FBXL17: variants seen among roughly 807,000 people sequenced by gnomAD.
FBXL17 encodes F-box and leucine rich repeat protein 17.
In FBXL17, 22 loss-of-function variants were observed where a neutral mutation model predicts 66.2. That is an observed-to-expected ratio of 0.33 (90% CI 0.24 to 0.47). FBXL17 has a LOEUF of 0.47. FBXL17 is among the 20% of genes least tolerant of loss of function. FBXL17 has a pLI of 1.00. For synonymous variants in FBXL17, 474 were observed against 400.5 expected, an observed-to-expected ratio of 1.18 and a Z score of -2.19; for missense variants, 878 against 948.2, an observed-to-expected ratio of 0.93 and a Z score of 0.97.
chr5:107,979,262 A>C (rs1752711588), intron 7 of FBXL17, among the ~76,000 whole-genome samples: 1 of 152,212 alleles, frequency 6.6e-6, no homozygotes, highest in Non-Finnish European at 1.5e-5. Flanking sequence ...TATTAAATCA[A>C]AGCAAGTTGG....
chr5:108,285,294 A>C (rs578127601), intron 4 of FBXL17, among the ~76,000 whole-genome samples: 11 of 151,994 alleles, frequency 7.2e-5, no homozygotes, highest in African/African-American at 2.4e-4. Context: ...GCTTCTGTTT[A>C]ATGTTTATAT....
intron 6 of FBXL17, among the ~76,000 whole-genome samples, chr5:108,110,330 A>G (rs1310429587): frequency 6.6e-6 from 1 of 152,250 alleles, no homozygotes; most frequent in Non-Finnish European, 1.5e-5. Flanking sequence ...CAACTGAAAT[A>G]GACTAAAGTA....
In FBXL17 at chr5:108,381,754, C is replaced by T. The variant is rs913223477; in HGVS notation, c.-63G>A. 24 of 1,375,480 alleles carry T rather than the reference C, an allele frequency of 1.7e-5. No homozygotes were observed. The highest frequency in any genetic ancestry group is 7.6e-5 in the African/African-American group (5 of 65,462). The allele number at this position is 1,375,480 out of a possible 1,614,324, so 85.2% of individuals were successfully genotyped here. A position where few individuals can be genotyped will look rare whatever the true frequency, so the allele number is the denominator to read the frequency against. On this transcript the variant is annotated 5_prime_UTR_variant, in exon 1 of 9. Coordinates refer to ENST00000542267, the MANE Select transcript of FBXL17 (RefSeq NM_001163315.3). ...AGGGAGACCCAGAGAGGCGGGCTCC[C>T]GGCAGCGGGGCAGGCCGCTCGCTGG...
intron 7 of FBXL17, among the ~76,000 whole-genome samples, chr5:107,941,752 C>T (rs186210192): frequency 6.3e-4 from 96 of 152,250 alleles, no homozygotes; most frequent in Middle Eastern, 6.8e-3. Context: ...ATAAGAAGGA[C>T]CTTTCAGCAT....
At chr5:108,375,999 G>C (rs576054444) in intron 1 of FBXL17, among the ~76,000 whole-genome samples, 10 of 152,186 alleles carry the variant, frequency 6.6e-5, no homozygotes, top group Admixed American at 2.6e-4. Context: ...CATATTAATA[G>C]AATAAAGGTA....
chr5:107,989,699 T>C (rs1753161098), intron 7 of FBXL17, among the ~76,000 whole-genome samples: 1 of 152,172 alleles, frequency 6.6e-6, no homozygotes, highest in Admixed American at 6.5e-5. Context: ...CGTTTAGTTT[T>C]TTTTGGGAAC....
intron 3 of FBXL17, among the ~76,000 whole-genome samples, chr5:108,352,435 AC>A (rs1747711890): frequency 6.6e-6 from 1 of 152,234 alleles, no homozygotes; most frequent in Admixed American, 6.5e-5. Flanking sequence ...CAAAATCATC[AC>A]CATTAGGATG....
intron 6 of FBXL17, among the ~76,000 whole-genome samples, chr5:108,096,251 C>G (rs1026300600): frequency 6.6e-6 from 1 of 152,174 alleles, no homozygotes; most frequent in Non-Finnish European, 1.5e-5. Flanking sequence ...GATTTTTCAG[C>G]TCAGTAAGAA....
intron 6 of FBXL17, among the ~76,000 whole-genome samples, chr5:108,184,403 T>G (rs567687718): frequency 6.6e-6 from 1 of 151,814 alleles, no homozygotes; most frequent in East Asian, 1.9e-4. Flanking sequence ...GCCTCCCGGG[T>G]TCACGCCATT....
chr5:108,259,622 A>AG (rs1756725922), intron 4 of FBXL17, among the ~76,000 whole-genome samples: 1 of 152,200 alleles, frequency 6.6e-6, no homozygotes, highest in African/African-American at 2.4e-5. Flanking sequence ...CTTGAAAAAA[A>AG]TTCGAGAACT....
rs1339130687 is a variant in FBXL17, at chr5:108,234,079, T to G, written c.1507-9851A>C. ...TGTGGCAGAAATGGCCATATATAAC[T>G]AAGAAACTCTTGGCTAGAAGAAGGA... On this transcript the variant is annotated intron_variant, in intron 4 of 8. Transcript: ENST00000542267. Among the ~76,000 whole-genome samples, 6 of 152,012 alleles carry G rather than the reference T, an allele frequency of 3.9e-5. No individual in the cohort carries two copies. In the South Asian group the frequency reaches 1.2e-3, roughly 32 times the overall value.
intron 6 of FBXL17, among the ~76,000 whole-genome samples, chr5:108,155,912 A>C (rs1751978682): frequency 6.6e-6 from 1 of 152,206 alleles, no homozygotes; most frequent in Non-Finnish European, 1.5e-5. Context: ...AATTTATAGC[A>C]TATCAAAATT....
intron 4 of FBXL17, among the ~76,000 whole-genome samples, chr5:108,261,222 G>C (rs1251490350): frequency 6.6e-6 from 1 of 151,912 alleles, no homozygotes; most frequent in Non-Finnish European, 1.5e-5. Context: ...GCAGTTATGT[G>C]AACATCCAGA....
intron 4 of FBXL17, among the ~76,000 whole-genome samples, chr5:108,308,651 C>G (rs1202536061): frequency 6.6e-6 from 1 of 152,134 alleles, no homozygotes; most frequent in East Asian, 1.9e-4. Context: ...TGAATGAGCA[C>G]TGTGACACAT....
At chr5:108,151,265 G>C (rs1751762550) in intron 6 of FBXL17, among the ~76,000 whole-genome samples, 1 of 151,972 alleles carries the variant, frequency 6.6e-6, no homozygotes, top group African/African-American at 2.4e-5. Flanking sequence ...AAGAAAGAAA[G>C]AAAAAAGTCA....
At chr5:107,988,804 G>A (rs1278923701) in intron 7 of FBXL17, among the ~76,000 whole-genome samples, 9 of 152,026 alleles carry the variant, frequency 5.9e-5, no homozygotes, top group Non-Finnish European at 1.3e-4. Flanking sequence ...CTTAATGCAA[G>A]TAACTGCCCA....
At chr5:108,306,952 C>T (rs1458834785) in intron 4 of FBXL17, among the ~76,000 whole-genome samples, 2 of 151,622 alleles carry the variant, frequency 1.3e-5, no homozygotes, top group African/African-American at 2.4e-5. Flanking sequence ...TCTCTTAATC[C>T]CTCCCATTTA....
At chr5:108,294,539 C>T (rs932587164) in intron 4 of FBXL17, among the ~76,000 whole-genome samples, 7 of 151,714 alleles carry the variant, frequency 4.6e-5, no homozygotes, top group Admixed American at 3.3e-4. Context: ...AAGTTTATAT[C>T]CCAACAGAGG....
chr5:107,973,344 T>A (rs1752447725), intron 7 of FBXL17, among the ~76,000 whole-genome samples: 2 of 151,938 alleles, frequency 1.3e-5, no homozygotes, highest in South Asian at 2.1e-4. Flanking sequence ...AAACATGATT[T>A]TTTTTTGTAA....
Sources: allele counts gnomAD v4.1 joint callset (sites outside exome capture counted in the v4.1 genomes callset), GRCh38; gene constraint gnomAD v4.1.1; transcripts MANE v1.5; gene names NCBI Gene and HGNC (gene_info 2026-07-23, HGNC 2026-07-21).